MLST8: variants seen among roughly 807,000 people sequenced by gnomAD.
The protein encoded by MLST8 is target of rapamycin complex subunit LST8.
In MLST8, 20 loss-of-function variants were observed where a neutral mutation model predicts 41.3. The ratio of observed to expected loss-of-function variants is 0.48; its 90% CI spans 0.34 to 0.70. The LOEUF (loss-of-function observed/expected upper bound fraction) is 0.70, where lower values mean the gene tolerates loss of function less well. MLST8 is among the 30% of genes least tolerant of loss of function. The pLI, the probability that MLST8 is intolerant of heterozygous loss-of-function variation, is 0.01. For synonymous variants in MLST8, 243 were observed against 183.0 expected, an observed-to-expected ratio of 1.33 and a Z score of -2.65; for missense variants, 422 against 454.3, an observed-to-expected ratio of 0.93 and a Z score of 0.65.
Position 2,209,369 on chromosome 16 carries a change from G to T in MLST8, c.*492G>T. 1 of 1,612,744 alleles carries T rather than the reference G, an allele frequency of 6.2e-7. No individual in the cohort carries two copies. Among genetic ancestry groups the T allele is most frequent in the Non-Finnish European group, 8.5e-7 (1 of 1,179,160 alleles). ...CTGGGCCAGGTCGGGGGCTCAGTCTGGGAGGTAATAAAAGCAGACCGACAC... is the reference window on the plus strand; with the variant it reads ...CTGGGCCAGGTCGGGGGCTCAGTCTTGGAGGTAATAAAAGCAGACCGACAC... On this transcript the variant is annotated 3_prime_UTR_variant, in exon 9 of 9. Coordinates refer to ENST00000569417, the MANE Select transcript of MLST8 (RefSeq NM_022372.6).
chr16:2,207,225 T>C lies in MLST8; in HGVS notation c.453T>C (p.Ala151=). ...AELIVGDQSG[A]IHIWDLKTDH... ...TCATCGTGGGTGACCAGAGCGGGGC[T>C]ATCCACATCTGGGACTTGAAAACAG... Residue 151 remains alanine (A), a synonymous_variant, in exon 6 of 9, where the codon GCT becomes GCC. Coordinates refer to ENST00000569417, the MANE Select transcript of MLST8 (RefSeq NM_022372.6). 1 of 1,614,170 alleles carries C rather than the reference T, an allele frequency of 6.2e-7. No homozygotes were observed. Among genetic ancestry groups the C allele is most frequent in the Admixed American group, 1.7e-5 (1 of 60,026 alleles).
Position 2,208,456 on chromosome 16 carries a change from C to T in MLST8, c.705C>T (p.Leu235=), listed in dbSNP as rs779576664. 2.5e-5 allele frequency: 40 copies of T among 1,612,634 alleles called. No homozygotes were observed. Among genetic ancestry groups the T allele is most frequent in the East Asian group, 2.2e-5 (1 of 44,874 alleles). Residue 235 remains leucine, a synonymous_variant, in exon 8 of 9, where the codon CTC becomes CTT. Transcript: ENST00000569417. ...QCRFSPDSTL[L]ATCSADQTCK... is the part of the protein sequence containing the mutation. ...CCCCATGCCCACCCACTAGGCTCCT[C>T]GCCACCTGCTCGGCTGATCAGACGT...
rs1465062772 is a variant in MLST8 at position 2,208,893 on chromosome 16, G to A, written c.*16G>A. ...GCTGGGCTAGCCTGTGACCCCTCGGGACTGCCTGGTGCAGGTGGTGGCAGC... is the reference window on the plus strand; with the variant it reads ...GCTGGGCTAGCCTGTGACCCCTCGGAACTGCCTGGTGCAGGTGGTGGCAGC... On this transcript the variant is annotated 3_prime_UTR_variant, in exon 9 of 9. Transcript: ENST00000569417. The A allele has an allele frequency of 6.2e-7, 1 of 1,611,810 alleles. No individual in the cohort carries two copies. Among genetic ancestry groups the A allele is most frequent in the African/African-American group, 1.3e-5 (1 of 74,920 alleles).
rs755793421 is a variant in MLST8, at chr16:2,208,453, C to T, written c.702C>T (p.Leu234=). The change falls in exon 8 of 9, where the codon CTC becomes CTT. Residue 234 remains leucine (L), a synonymous_variant. Transcript: ENST00000569417. ...ACGCCCCATGCCCACCCACTAGGCTCCTCGCCACCTGCTCGGCTGATCAGA... is the reference window on the plus strand; with the variant it reads ...ACGCCCCATGCCCACCCACTAGGCTTCTCGCCACCTGCTCGGCTGATCAGA... The part of the protein sequence containing the change: ...LQCRFSPDST[L]LATCSADQTC... 3.1e-6 allele frequency: 5 copies of T among 1,612,722 alleles called. No individual in the cohort carries two copies. The highest frequency in any genetic ancestry group is 2.2e-5 in the East Asian group (1 of 44,866).
intron 1 of MLST8, 82 bp from the exon 2 acceptor site, chr16:2,205,949 C>T (rs2093277332): frequency 1.4e-6 from 2 of 1,453,092 alleles, no homozygotes; most frequent in East Asian, 2.3e-5. Flanking sequence ...GAATGATAAG[C>T]GCCATTCGGC....
chr16:2,206,990 C>A (rs753576772), intron 4 of MLST8, 45 bp from the exon 5 acceptor site: 1 of 1,607,334 alleles, frequency 6.2e-7, no homozygotes, highest in South Asian at 1.1e-5. Flanking sequence ...GGGTAGGGCA[C>A]CAACAAGCCC....
chr16:2,207,344 C>T lies in MLST8; in HGVS notation c.572C>T (p.Thr191Ile), dbSNP rs760683833. 6.2e-7 allele frequency: 1 copy of T among 1,613,528 alleles called. No individual in the cohort carries two copies. The highest frequency in any genetic ancestry group is 1.3e-5 in the African/African-American group (1 of 74,932). ...DASYMAAVNS[T>I]GNCYVWNLTG... is the part of the protein sequence containing the mutation. ...AGCTACATGGCAGCTGTCAATAGCA[C>T]CGTGAGTCCTGGTGGCAGGTGCTGG... The change falls in exon 6 of 9, where the codon ACC (threonine) becomes ATC (isoleucine). Residue 191 changes from threonine (T) to isoleucine (I), a missense_variant and splice_region_variant. Transcript: ENST00000569417.
rs2093284064 is a variant in MLST8 at position 2,206,212 on chromosome 16, T to C, written c.127T>C (p.Ser43Pro). ...ICTRTVQHQD[S>P]QVNALEVTPD... ...CACCCGGACGGTGCAGCACCAGGAC[T>C]CCGTATCCTCCACCCGGGGCGGGCA... Residue 43 changes from serine to proline, a missense_variant and splice_region_variant, in exon 2 of 9, where the codon TCC becomes CCC. Coordinates refer to ENST00000569417, the MANE Select transcript of MLST8 (RefSeq NM_022372.6). The C allele has an allele frequency of 5.0e-6, 8 of 1,606,302 alleles. No homozygotes were observed. Among genetic ancestry groups the C allele is most frequent in the Non-Finnish European group, 6.8e-6 (8 of 1,176,460 alleles).
Position 2,207,286 on chromosome 16 carries a change from T to C in MLST8, c.514T>C (p.Ser172Pro). ...GCAGCTGATCCCTGAGCCCGAGGTCTCCATCACGTCCGCCCACATCGATCC... is the reference window on the plus strand; with the variant it reads ...GCAGCTGATCCCTGAGCCCGAGGTCCCCATCACGTCCGCCCACATCGATCC... The part of the protein sequence containing the change: ...NEQLIPEPEV[S>P]ITSAHIDPDA... Residue 172 changes from serine (S) to proline (P), a missense_variant, in exon 6 of 9, where the codon TCC (serine) becomes CCC (proline). Physicochemically the swap from Ser to Pro is moderately conservative, Grantham distance 74. Coordinates refer to ENST00000569417, the MANE Select transcript of MLST8 (RefSeq NM_022372.6). The C allele has an allele frequency of 6.2e-7, 1 of 1,614,158 alleles. No homozygotes were observed. The highest frequency in any genetic ancestry group is 8.5e-7 in the Non-Finnish European group (1 of 1,180,032).
chr16:2,207,582 C>T (rs556121352), intron 6 of MLST8: 9 of 558,104 alleles, frequency 1.6e-5, no homozygotes, highest in South Asian at 4.5e-5. Context: ...ATCCACTTCC[C>T]TCTTTTCACT....
chr16:2,208,775 G>A lies in MLST8; in HGVS notation c.879G>A (p.Leu293=). ...QYIVTASSDN[L]ARLWCVETGE... Reference sequence around the variant, plus strand: ...CCCCTCCAGCTTCCTCGGACAACCTGGCCCGGCTCTGGTGTGTGGAGACTG... The same window carrying A: ...CCCCTCCAGCTTCCTCGGACAACCTAGCCCGGCTCTGGTGTGTGGAGACTG... The change falls in exon 9 of 9, where the codon CTG becomes CTA. Residue 293 remains leucine (L), a synonymous_variant. Coordinates refer to ENST00000569417, the MANE Select transcript of MLST8 (RefSeq NM_022372.6). The A allele has an allele frequency of 6.2e-7, 1 of 1,614,034 alleles. No homozygotes were observed. Among genetic ancestry groups the A allele is most frequent in the Non-Finnish European group, 8.5e-7 (1 of 1,179,930 alleles).
chr16:2,207,270 C>T lies in MLST8; in HGVS notation c.498C>T (p.Ile166=). 1.2e-6 allele frequency: 2 copies of T among 1,614,168 alleles called. No individual in the cohort carries two copies. Among genetic ancestry groups the T allele is most frequent in the Non-Finnish European group, 1.7e-6 (2 of 1,180,028 alleles). The change falls in exon 6 of 9, where the codon ATC becomes ATT. Residue 166 remains isoleucine (I), a synonymous_variant. Coordinates refer to ENST00000569417, the MANE Select transcript of MLST8 (RefSeq NM_022372.6). ...DLKTDHNEQL[I]PEPEVSITSA... is the part of the protein sequence containing the mutation. Reference sequence around the variant, plus strand: ...AAACAGACCACAACGAGCAGCTGATCCCTGAGCCCGAGGTCTCCATCACGT... The same window carrying T: ...AAACAGACCACAACGAGCAGCTGATTCCTGAGCCCGAGGTCTCCATCACGT...
chr16:2,207,664 C>A (rs529404834), intron 6 of MLST8: 393 of 399,120 alleles, frequency 9.8e-4, no homozygotes, highest in Admixed American at 3.3e-3. Flanking sequence ...TTCCTTTCCC[C>A]CTCCCTGACC....
intron 1 of MLST8, 110 bp downstream of exon 1, chr16:2,205,622 G>A (rs1489452016): frequency 1.2e-5 from 11 of 950,650 alleles, no homozygotes; most frequent in African/African-American, 3.5e-5. Flanking sequence ...CCGGAGGAAA[G>A]GGGAGCTCGG....
In MLST8 at chr16:2,209,371, G is replaced by A. The variant is rs201450400; in HGVS notation, c.*494G>A. 3.5e-5 allele frequency: 56 copies of A among 1,612,848 alleles called. No individual in the cohort carries two copies. In the Admixed American group the frequency reaches 7.3e-4, roughly 21 times the overall value. On this transcript the variant is annotated 3_prime_UTR_variant, in exon 9 of 9. Transcript: ENST00000569417. ...GGGCCAGGTCGGGGGCTCAGTCTGG[G>A]AGGTAATAAAAGCAGACCGACACGC...
At chr16:2,208,061 C>G in intron 6 of MLST8, 149 bp from the exon 7 acceptor site, 1 of 891,420 alleles carries the variant, frequency 1.1e-6, no homozygotes, top group Non-Finnish European at 1.6e-6. Flanking sequence ...TCCCAGGTGC[C>G]TTCTGCAGGC....
At position 2,207,179 on chromosome 16, in the gene MLST8, C is replaced by A; in HGVS notation, c.421-14C>A. 1.2e-6 allele frequency: 2 copies of A among 1,613,478 alleles called. No homozygotes were observed. The highest frequency in any genetic ancestry group is 1.7e-6 in the Non-Finnish European group (2 of 1,179,512). ...GCTGGGCTTGGGCCCTGCCTCACCACCCCTGCACCCCAGGCAGAGCTCATC... is the reference window on the plus strand; with the variant it reads ...GCTGGGCTTGGGCCCTGCCTCACCAACCCTGCACCCCAGGCAGAGCTCATC... On this transcript the variant is annotated splice_polypyrimidine_tract_variant and intron_variant, in intron 5 of 8. Coordinates refer to ENST00000569417, the MANE Select transcript of MLST8 (RefSeq NM_022372.6).
At position 2,209,199 on chromosome 16, in the gene MLST8, C is replaced by T. The variant is rs934899653; in HGVS notation, c.*322C>T. On this transcript the variant is annotated 3_prime_UTR_variant, in exon 9 of 9. Transcript: ENST00000569417. ...CACCCCCAAGCTAGTGTGTTCTCTG[C>T]CCCTCCCTGCCCGCGTTTCAGGGCC... is the stretch of plus-strand genomic sequence containing the variant. The T allele has an allele frequency of 2.8e-6, 2 of 715,914 alleles. No homozygotes were observed. The highest frequency in any genetic ancestry group is 2.7e-5 in the East Asian group (1 of 36,874). The allele number at this position is 715,914 out of a possible 1,614,324, so 44.3% of individuals were successfully genotyped here.
chr16:2,209,125 G>A lies in MLST8; in HGVS notation c.*248G>A. The stretch of plus-strand genomic sequence containing the variant: ...GACTGGGCTAGCCTGCACTGCCTGG[G>A]AAAGTCGGCCGAGGGCCCAAAGCTG... On this transcript the variant is annotated 3_prime_UTR_variant, in exon 9 of 9. Transcript: ENST00000569417. 1 of 640,594 alleles carries A rather than the reference G, an allele frequency of 1.6e-6. No individual in the cohort carries two copies. The highest frequency in any genetic ancestry group is 2.7e-6 in the Non-Finnish European group (1 of 372,994). The allele number at this position is 640,594 out of a possible 1,614,324, so 39.7% of individuals were successfully genotyped here.
Sources: allele counts gnomAD v4.1 joint callset, GRCh38; gene constraint gnomAD v4.1.1; transcripts MANE v1.5; gene names NCBI Gene and HGNC (gene_info 2026-07-23, HGNC 2026-07-21).